RAD51AP2: variants seen among roughly 807,000 people sequenced by gnomAD.
RAD51AP2 encodes RAD51 associated protein 2.
RAD51AP2 carries 67 observed loss-of-function variants against 85.5 expected under a neutral mutation model. The observed-to-expected ratio is 0.78, with a 90% CI of 0.64 to 0.96. The LOEUF is 0.96. RAD51AP2 is among the 40% of genes least tolerant of loss of function. The probability of loss-of-function intolerance (pLI) is 0.00; values close to 1 mark genes in which losing one functional copy is unlikely to be tolerated. For synonymous variants in RAD51AP2, 474 were observed against 446.5 expected (o/e 1.06, Z -0.78); for missense variants, 1,307 against 1,332.4 (o/e 0.98, Z 0.30).
upstream of RAD51AP2, among the ~76,000 whole-genome samples, chr2:17,518,649 C>G (rs1662784658): frequency 6.6e-6 from 1 of 151,364 alleles, no homozygotes; most frequent in Admixed American, 6.6e-5. Context: ...GTTGTCTCAC[C>G]ACTGAAGGTC....
Position 17,518,407 on chromosome 2 carries a change from G to A in RAD51AP2, c.9C>T (p.Leu3=), listed in dbSNP as rs370965654. The change falls in exon 1 of 3, where the codon CTC becomes CTT. Residue 3 remains leucine (L), a synonymous_variant. Coordinates refer to ENST00000399080, the MANE Select transcript of RAD51AP2 (RefSeq NM_001099218.3). MS[L]PQPTPRMAEL... Reference sequence around the variant, plus strand: ...CGGCCATCCGCGGCGTGGGCTGAGGGAGAGACATGACAGCGAATGGAAAGG... The same window carrying A: ...CGGCCATCCGCGGCGTGGGCTGAGGAAGAGACATGACAGCGAATGGAAAGG... The A allele has an allele frequency of 4.0e-5, 64 of 1,611,084 alleles. 1 individual carries two copies. The highest frequency in any genetic ancestry group is 1.8e-4 in the East Asian group (8 of 44,874).
upstream of RAD51AP2, among the ~76,000 whole-genome samples, chr2:17,523,433 A>G (rs1402125126): frequency 1.3e-5 from 2 of 151,850 alleles, no homozygotes; most frequent in Non-Finnish European, 3.0e-5. Context: ...TTTTTTTTCT[A>G]GAAAACCAGT....
upstream of RAD51AP2, among the ~76,000 whole-genome samples, chr2:17,520,633 T>C (rs1286123045): frequency 6.6e-6 from 1 of 152,124 alleles, no homozygotes; most frequent in Non-Finnish European, 1.5e-5. Flanking sequence ...ATACTGAAGA[T>C]ATGACACAAT....
intron 2 of RAD51AP2, among the ~76,000 whole-genome samples, chr2:17,512,728 A>G (rs1027697106): frequency 1.3e-5 from 2 of 152,248 alleles, no homozygotes; most frequent in African/African-American, 4.8e-5. Context: ...AGCAAACCCT[A>G]TCCTTTTCAG....
intron 2 of RAD51AP2, 77 bp downstream of exon 2, chr2:17,513,935 A>G (rs1231723077): frequency 1.3e-6 from 1 of 788,926 alleles, no homozygotes; most frequent in Non-Finnish European, 2.2e-6. Flanking sequence ...ATGAATATCT[A>G]TACTTTCCTC....
At chr2:17,532,531 A>AT in the RAD51AP2 span, among the ~76,000 whole-genome samples, 1 of 152,276 alleles carries the variant, frequency 6.6e-6, no homozygotes, top group East Asian at 1.9e-4. Context: ...AGAAAAAAAA[A>AT]TTATAAGAAA....
upstream of RAD51AP2, among the ~76,000 whole-genome samples, chr2:17,523,218 A>G (rs1662895369): frequency 6.6e-6 from 1 of 151,932 alleles, no homozygotes; most frequent in Non-Finnish European, 1.5e-5. Context: ...ATTTAAAAAC[A>G]TTTTTAATTA....
chr2:17,528,450 C>T, the RAD51AP2 span, among the ~76,000 whole-genome samples: 1 of 152,052 alleles, frequency 6.6e-6, no homozygotes, highest in African/African-American at 2.4e-5. Flanking sequence ...ATGGCATTTT[C>T]CTTAAAAAGA....
In RAD51AP2 at chr2:17,516,755, T is replaced by C; in HGVS notation, c.1661A>G (p.Asn554Ser). ...IIGIQNLITR[N>S]MNTNIKNGIL... ...TCCATTCTTTATATTTGTATTCATG[T>C]TTCTGGTTATTAGATTTTGAATACC... Residue 554 changes from asparagine to serine, a missense_variant, in exon 1 of 3, where the codon AAC (asparagine) becomes AGC (serine). By Grantham distance (46) the Asn-to-Ser change is conservative (BLOSUM62 1). Coordinates refer to ENST00000399080, the MANE Select transcript of RAD51AP2 (RefSeq NM_001099218.3). The C allele has an allele frequency of 6.4e-7, 1 of 1,567,206 alleles. No individual in the cohort carries two copies. The highest frequency in any genetic ancestry group is 2.3e-5 in the East Asian group (1 of 44,270).
Position 17,518,194 on chromosome 2 carries a change from G to A in RAD51AP2, c.222C>T (p.Leu74=), listed in dbSNP as rs1344785177. 6.2e-7 allele frequency: 1 copy of A among 1,614,116 alleles called. No homozygotes were observed. The change falls in exon 1 of 3, where the codon CTC becomes CTT. Residue 74 remains leucine, a synonymous_variant. Coordinates refer to ENST00000399080, the MANE Select transcript of RAD51AP2 (RefSeq NM_001099218.3). The part of the protein sequence containing the change: ...WELSPRPFKG[L]LVSTNAIFDN... ...CGAAAATAGCATTCGTTGAAACAAG[G>A]AGTCCCTTGAAGGGTCTAGGGGACA... is the stretch of plus-strand genomic sequence containing the variant.
the RAD51AP2 span, among the ~76,000 whole-genome samples, chr2:17,533,043 A>G: frequency 5.3e-5 from 8 of 152,228 alleles, no homozygotes; most frequent in Admixed American, 2.6e-4. Context: ...GTGCAAAAGC[A>G]ACTCTTCCAA....
chr2:17,522,935 T>C (rs1037666986), upstream of RAD51AP2, among the ~76,000 whole-genome samples: 4 of 151,956 alleles, frequency 2.6e-5, no homozygotes, highest in Admixed American at 6.6e-5. Flanking sequence ...ACATTTAACA[T>C]GAAAACTATG....
chr2:17,518,391 G>T lies in RAD51AP2; in HGVS notation c.25C>A (p.Arg9=), dbSNP rs750860574. MSLPQPTP[R]MAELRKPTSS... is the part of the protein sequence containing the mutation. ...GTAGGCTTTCTGAGCTCGGCCATCCGCGGCGTGGGCTGAGGGAGAGACATG... is the reference window on the plus strand; with the variant it reads ...GTAGGCTTTCTGAGCTCGGCCATCCTCGGCGTGGGCTGAGGGAGAGACATG... Residue 9 remains arginine (R), a synonymous_variant, in exon 1 of 3, where the codon CGG becomes AGG. Transcript: ENST00000399080. 6.2e-7 allele frequency: 1 copy of T among 1,612,886 alleles called. No homozygotes were observed. The highest frequency in any genetic ancestry group is 1.1e-5 in the South Asian group (1 of 91,004).
In RAD51AP2 at chr2:17,518,058, A is replaced by T. The variant is rs1558267543; in HGVS notation, c.358T>A (p.Ser120Thr). ...QMSSCLQSPP[S>T]QSPDSDLRAS... is the part of the protein sequence containing the mutation. Reference sequence around the variant, plus strand: ...CTCAAATCAGAATCAGGACTTTGTGAGGGGGGAGACTGCAAACAGCTACTC... The same window carrying T: ...CTCAAATCAGAATCAGGACTTTGTGTGGGGGGAGACTGCAAACAGCTACTC... Residue 120 changes from serine (S) to threonine (T), a missense_variant, in exon 1 of 3, where the codon TCA becomes ACA. Transcript: ENST00000399080. 1 of 1,614,082 alleles carries T rather than the reference A, an allele frequency of 6.2e-7. No individual in the cohort carries two copies. The highest frequency in any genetic ancestry group is 8.5e-7 in the Non-Finnish European group (1 of 1,180,008).
At chr2:17,536,953 T>A in the RAD51AP2 span, among the ~76,000 whole-genome samples, 1 of 152,240 alleles carries the variant, frequency 6.6e-6, no homozygotes, top group South Asian at 2.1e-4. Flanking sequence ...TTCTAAGAGA[T>A]ACTTCCTATT....
chr2:17,526,240 G>A, the RAD51AP2 span, among the ~76,000 whole-genome samples: 1 of 151,738 alleles, frequency 6.6e-6, no homozygotes, highest in Non-Finnish European at 1.5e-5. Flanking sequence ...TCTCTGTCGG[G>A]TGCAAACACA....
At chr2:17,523,053 T>C (rs1159917699), upstream of RAD51AP2, among the ~76,000 whole-genome samples, 1 of 151,882 alleles carries the variant, frequency 6.6e-6, no homozygotes, top group Non-Finnish European at 1.5e-5. Flanking sequence ...CATTCCTTGA[T>C]GTGTAATATG....
intron 2 of RAD51AP2, among the ~76,000 whole-genome samples, chr2:17,512,234 T>G (rs1349447899): frequency 6.6e-6 from 1 of 152,186 alleles, no homozygotes; most frequent in Non-Finnish European, 1.5e-5. Flanking sequence ...TCAGGATAAC[T>G]GGGATCTTTC....
Position 17,517,597 on chromosome 2 carries a change from G to C in RAD51AP2, c.819C>G (p.Val273=), listed in dbSNP as rs1417298573. 2 of 1,613,664 alleles carry C rather than the reference G, an allele frequency of 1.2e-6. No homozygotes were observed. Among genetic ancestry groups the C allele is most frequent in the Non-Finnish European group, 1.7e-6 (2 of 1,179,912 alleles). ...TTTTCTTCGCTATTTCCTTTAAATA[G>C]ACAGAGGACATTTTGCTATTTAAGT... ...PMDLNSKMSS[V]YLKEIAKKKN... Residue 273 remains valine, a synonymous_variant, in exon 1 of 3, where the codon GTC becomes GTG. Transcript: ENST00000399080.
Sources: gnomAD v4.1 joint callset for allele counts (sites outside exome capture counted in the v4.1 genomes callset) on GRCh38, gnomAD v4.1.1 for gene constraint, MANE v1.5 for transcripts, NCBI Gene and HGNC (gene_info 2026-07-23, HGNC 2026-07-21) for gene names.